RSU1: variants seen among roughly 807,000 people sequenced by gnomAD.
The protein encoded by RSU1 is Ras suppressor protein 1.
Under a neutral mutation model 31.1 loss-of-function variants are expected in RSU1, and 26 were observed. That is an observed-to-expected ratio of 0.84 (90% CI 0.61 to 1.16). The LOEUF (loss-of-function observed/expected upper bound fraction) is 1.16, where lower values mean the gene tolerates loss of function less well. Ranked by LOEUF, RSU1 falls within the 50% of genes most tolerant of loss-of-function variation. The pLI, the probability that RSU1 is intolerant of heterozygous loss-of-function variation, is 0.00. For missense variants in RSU1, 320 were observed against 339.1 expected (o/e 0.94, Z 0.44); for synonymous variants, 164 against 136.3 (o/e 1.20, Z -1.41).
intron 8 of RSU1, among the ~76,000 whole-genome samples, chr10:16,685,590 T>C (rs1270708831): frequency 6.6e-6 from 1 of 152,164 alleles, no homozygotes; most frequent in African/African-American, 2.4e-5. Flanking sequence ...ATGGCGCTGA[T>C]GGGAGGGTAG....
At chr10:16,647,219 G>A (rs1053661122) in intron 8 of RSU1, among the ~76,000 whole-genome samples, 7 of 152,046 alleles carry the variant, frequency 4.6e-5, no homozygotes, top group African/African-American at 7.2e-5. Context: ...TGATCTACAC[G>A]CCTCGGCCTC....
chr10:16,729,758 C>A (rs964278224), intron 7 of RSU1, among the ~76,000 whole-genome samples: 1 of 152,184 alleles, frequency 6.6e-6, no homozygotes, highest in Non-Finnish European at 1.5e-5. Flanking sequence ...CAGCTGTGAT[C>A]ATCCCGCCCT....
intron 7 of RSU1, among the ~76,000 whole-genome samples, chr10:16,742,878 A>T (rs941021758): frequency 5.9e-5 from 9 of 152,208 alleles, no homozygotes; most frequent in African/African-American, 1.9e-4. Flanking sequence ...CAGAAATACA[A>T]TTCACTTAGC....
At chr10:16,707,976 T>G (rs1835940008) in intron 7 of RSU1, among the ~76,000 whole-genome samples, 1 of 152,204 alleles carries the variant, frequency 6.6e-6, no homozygotes, top group African/African-American at 2.4e-5. Context: ...GAGATTTGTC[T>G]TTTCCTTAAT....
At chr10:16,657,529 GA>G (rs397945910) in intron 8 of RSU1, among the ~76,000 whole-genome samples, 202 of 132,930 alleles carry the variant, frequency 1.5e-3, no homozygotes, top group South Asian at 3.1e-3. Flanking sequence ...AATCATACTA[GA>G]AAAAAAAAAA....
At chr10:16,799,165 C>G (rs1394438165) in intron 2 of RSU1, among the ~76,000 whole-genome samples, 1 of 152,150 alleles carries the variant, frequency 6.6e-6, no homozygotes, top group Non-Finnish European at 1.5e-5. Flanking sequence ...AGATACAGTT[C>G]AAATTCTAAA....
chr10:16,692,544 A>G (rs930825407), intron 8 of RSU1, among the ~76,000 whole-genome samples: 5 of 152,168 alleles, frequency 3.3e-5, no homozygotes, highest in African/African-American at 1.2e-4. Flanking sequence ...TTTTCAAGAT[A>G]CCATACAAAC....
At chr10:16,662,016 T>C (rs1020048104) in intron 8 of RSU1, among the ~76,000 whole-genome samples, 1 of 152,254 alleles carries the variant, frequency 6.6e-6, no homozygotes, top group Non-Finnish European at 1.5e-5. Flanking sequence ...ATCATTTCTA[T>C]ATGTATATTT....
chr10:16,602,744 A>G (rs1564282698), intron 8 of RSU1, among the ~76,000 whole-genome samples: 1 of 152,252 alleles, frequency 6.6e-6, no homozygotes, highest in African/African-American at 2.4e-5. Context: ...CCAAGAAAAG[A>G]ACCAATTTTA....
At chr10:16,765,998 G>A (rs866867593) in intron 3 of RSU1, among the ~76,000 whole-genome samples, 34 of 152,376 alleles carry the variant, frequency 2.2e-4, no homozygotes, top group Middle Eastern at 6.8e-3. Context: ...CAAAAGTAAA[G>A]GGACAGGCAC....
At chr10:16,765,027 C>G (rs1160263688) in intron 3 of RSU1, among the ~76,000 whole-genome samples, 1 of 151,994 alleles carries the variant, frequency 6.6e-6, no homozygotes, top group Non-Finnish European at 1.5e-5. Context: ...AAGAGAATTT[C>G]TGTACCACAA....
intron 8 of RSU1, among the ~76,000 whole-genome samples, chr10:16,661,468 A>AT (rs1242847117): frequency 3.9e-5 from 6 of 152,154 alleles, no homozygotes; most frequent in Admixed American, 3.3e-4. Context: ...AATTATCTAC[A>AT]TTTTTTAAAT....
chr10:16,633,040 G>T (rs534255763), intron 8 of RSU1, among the ~76,000 whole-genome samples: 1 of 152,290 alleles, frequency 6.6e-6, no homozygotes, highest in African/African-American at 2.4e-5. Context: ...CTCAGCCTTG[G>T]CACTGAGATG....
At chr10:16,751,637 T>C (rs1268834183) in intron 7 of RSU1, among the ~76,000 whole-genome samples, 1 of 152,212 alleles carries the variant, frequency 6.6e-6, no homozygotes. Context: ...AAAATGTCCC[T>C]GCCCTCCTGG....
chr10:16,593,243 A>C lies in RSU1; in HGVS notation c.*151T>G, dbSNP rs1273257053. The stretch of plus-strand genomic sequence containing the variant: ...TCTCCCACCTAGCAAAAGAATCTAA[A>C]AGGTAAGGTGGGAAGCATTAGAAAG... On this transcript the variant is annotated 3_prime_UTR_variant, in exon 9 of 9. Transcript: ENST00000345264. The C allele has an allele frequency of 2.9e-6, 4 of 1,379,754 alleles. No individual in the cohort carries two copies. The highest frequency in any genetic ancestry group is 1.5e-5 in the African/African-American group (1 of 68,636). The allele number at this position is 1,379,754 out of a possible 1,614,324, so 85.5% of individuals were successfully genotyped here.
At chr10:16,779,305 C>T (rs1837603421) in intron 3 of RSU1, among the ~76,000 whole-genome samples, 1 of 152,204 alleles carries the variant, frequency 6.6e-6, no homozygotes, top group Admixed American at 6.5e-5. Flanking sequence ...GGAATTTCTG[C>T]TCCCAGATTC....
chr10:16,682,841 G>A (rs1030193325), intron 8 of RSU1, among the ~76,000 whole-genome samples: 8 of 151,932 alleles, frequency 5.3e-5, no homozygotes, highest in Non-Finnish European at 1.2e-4. Context: ...ACTGGAGGGG[G>A]TCCCATCACA....
chr10:16,801,104 A>G (rs537354392), intron 2 of RSU1, among the ~76,000 whole-genome samples: 2 of 151,664 alleles, frequency 1.3e-5, no homozygotes, highest in Non-Finnish European at 2.9e-5. Context: ...TTTTAAAAAA[A>G]AAAACAGGAT....
At chr10:16,621,046 C>T (rs1037957290) in intron 8 of RSU1, among the ~76,000 whole-genome samples, 2 of 152,122 alleles carry the variant, frequency 1.3e-5, no homozygotes, top group Non-Finnish European at 1.5e-5. Flanking sequence ...CAAGGACACA[C>T]AGAAGAATTA....
Sources: allele counts gnomAD v4.1 joint callset (sites outside exome capture counted in the v4.1 genomes callset), GRCh38; gene constraint gnomAD v4.1.1; transcripts MANE v1.5; gene names NCBI Gene and HGNC (gene_info 2026-07-23, HGNC 2026-07-21).